The following DSCAM variants were observed in gnomAD, a reference collection of about 807,000 sequenced individuals.
The protein encoded by DSCAM is DS cell adhesion molecule.
In DSCAM, 47 loss-of-function variants were observed where a neutral mutation model predicts 217.7. That is an observed-to-expected ratio of 0.22 (90% CI 0.17 to 0.28). The LOEUF (loss-of-function observed/expected upper bound fraction) is 0.28. DSCAM is among the 10% of genes least tolerant of loss of function. The pLI, the probability that DSCAM is intolerant of heterozygous loss-of-function variation, is 1.00. For missense variants in DSCAM, 2,080 were observed against 2,618.3 expected (o/e 0.79, Z 4.49); for synonymous variants, 1,056 against 1,015.3 (o/e 1.04, Z -0.76).
chr21:40,157,933 A>G (rs553117759), intron 16 of DSCAM, among the ~76,000 whole-genome samples: 4 of 152,126 alleles, frequency 2.6e-5, no homozygotes, highest in African/African-American at 7.2e-5. Context: ...GGCTCAAGCA[A>G]TCCTCCCAAT....
At chr21:40,456,303 A>T (rs554015087) in intron 3 of DSCAM, among the ~76,000 whole-genome samples, 1 of 151,974 alleles carries the variant, frequency 6.6e-6, no homozygotes, top group African/African-American at 2.4e-5. Context: ...AAAATTTTTT[A>T]GAGTTCACTT....
At chr21:40,157,523 A>G (rs928748075) in intron 16 of DSCAM, among the ~76,000 whole-genome samples, 20 of 152,198 alleles carry the variant, frequency 1.3e-4, no homozygotes, top group African/African-American at 4.1e-4. Context: ...CCATGCTCCA[A>G]TGGATAGTTC....
At chr21:40,670,582 A>C (rs1007273827) in intron 3 of DSCAM, among the ~76,000 whole-genome samples, 2 of 151,674 alleles carry the variant, frequency 1.3e-5, no homozygotes, top group African/African-American at 2.4e-5. Flanking sequence ...TATAAGTGGA[A>C]TCATATAGTA....
At chr21:40,507,360 G>A (rs2076218101) in intron 3 of DSCAM, among the ~76,000 whole-genome samples, 1 of 152,118 alleles carries the variant, frequency 6.6e-6, no homozygotes. Context: ...ATAGTCCTAT[G>A]CATCATTAAA....
At chr21:40,639,585 T>C (rs1369149462) in intron 3 of DSCAM, among the ~76,000 whole-genome samples, 1 of 152,174 alleles carries the variant, frequency 6.6e-6, no homozygotes, top group African/African-American at 2.4e-5. Context: ...CAAGTTTTAG[T>C]TAATATTTAA....
At chr21:40,638,232 A>C (rs949324979) in intron 3 of DSCAM, among the ~76,000 whole-genome samples, 2 of 152,210 alleles carry the variant, frequency 1.3e-5, no homozygotes, top group East Asian at 3.8e-4. Flanking sequence ...TGTGTACGTC[A>C]GGTGTTGACT....
rs2076715898 is a variant in DSCAM at position 40,560,960 on chromosome 21, G to A, written c.508+131850C>T. 2.6e-5 allele frequency among the ~76,000 whole-genome samples: 4 copies of A among 152,168 alleles called. No individual in the cohort carries two copies. The South Asian group carries it at 8.3e-4, about 31-fold the overall frequency. On this transcript the variant is annotated intron_variant, in intron 3 of 32. Transcript: ENST00000400454. ...AACCATCATTGCTCAAGGACCATAT[G>A]CTTATGTAAAAATCCCAGAAAACAA...
At chr21:40,030,241 G>A (rs1180059472) in intron 32 of DSCAM, among the ~76,000 whole-genome samples, 1 of 152,184 alleles carries the variant, frequency 6.6e-6, no homozygotes, top group Non-Finnish European at 1.5e-5. Context: ...CGTGTGTTGA[G>A]TGGACACTAA....
At chr21:40,293,792 T>C (rs1475697111) in intron 10 of DSCAM, among the ~76,000 whole-genome samples, 1 of 151,876 alleles carries the variant, frequency 6.6e-6, no homozygotes, top group South Asian at 2.1e-4. Flanking sequence ...ACCACTGCAC[T>C]CCAGCCTGGG....
intron 20 of DSCAM, among the ~76,000 whole-genome samples, chr21:40,102,805 C>T (rs754848237): frequency 2.2e-4 from 33 of 152,326 alleles, no homozygotes; most frequent in Admixed American, 1.9e-3. Context: ...AGAGCCTTCT[C>T]TAGTCCTCTC....
At chr21:40,598,103 T>A (rs533479288) in intron 3 of DSCAM, among the ~76,000 whole-genome samples, 7 of 152,238 alleles carry the variant, frequency 4.6e-5, no homozygotes, top group Non-Finnish European at 1.0e-4. Flanking sequence ...CCTGTTCATC[T>A]TTCCCCACCT....
chr21:40,217,358 C>T (rs1244784689), intron 11 of DSCAM, among the ~76,000 whole-genome samples: 1 of 152,164 alleles, frequency 6.6e-6, no homozygotes, highest in African/African-American at 2.4e-5. Flanking sequence ...ATTTCTGAGC[C>T]TTGTCAACAT....
At chr21:40,215,710 G>A (rs1387036180) in intron 11 of DSCAM, among the ~76,000 whole-genome samples, 2 of 151,988 alleles carry the variant, frequency 1.3e-5, no homozygotes, top group Non-Finnish European at 2.9e-5. Context: ...ATACTATTTG[G>A]GTGATGCGTG....
intron 11 of DSCAM, among the ~76,000 whole-genome samples, chr21:40,267,281 G>A (rs1308183128): frequency 1.3e-5 from 2 of 150,692 alleles, no homozygotes; most frequent in African/African-American, 2.4e-5. Flanking sequence ...TTTTTTATAA[G>A]TAGAAGGAGT....
intron 3 of DSCAM, among the ~76,000 whole-genome samples, chr21:40,504,439 C>A (rs2076194542): frequency 6.6e-6 from 1 of 152,134 alleles, no homozygotes; most frequent in Non-Finnish European, 1.5e-5. Flanking sequence ...GGAGAACAGT[C>A]CACCTGTCAC....
In DSCAM at chr21:40,781,983, C is replaced by T. The variant is rs569720724; in HGVS notation, c.43+64636G>A. On this transcript the variant is annotated intron_variant, in intron 1 of 32. Transcript: ENST00000400454. Reference sequence around the variant, plus strand: ...CTAACACGATGAAACCCCATCTCTACTAAAAATACAAAAAAAAAAAAAAAA... The same window carrying T: ...CTAACACGATGAAACCCCATCTCTATTAAAAATACAAAAAAAAAAAAAAAA... Among the ~76,000 whole-genome samples, 24 of 16,272 alleles carry T rather than the reference C, an allele frequency of 1.5e-3. No homozygotes were observed. The South Asian group carries it at 0.039, about 27-fold the overall frequency. 10.7% of individuals were successfully genotyped at this position (16,272 alleles called of 152,430 possible).
intron 16 of DSCAM, among the ~76,000 whole-genome samples, chr21:40,146,017 T>TA (rs1318431441): frequency 2.6e-5 from 4 of 152,138 alleles, no homozygotes; most frequent in Non-Finnish European, 5.9e-5. Context: ...TATATACATA[T>TA]ACACGTACAC....
At chr21:40,414,439 A>G (rs997405083) in intron 3 of DSCAM, among the ~76,000 whole-genome samples, 1 of 152,214 alleles carries the variant, frequency 6.6e-6, no homozygotes, top group Non-Finnish European at 1.5e-5. Flanking sequence ...ATACCAACGC[A>G]TACCTCCTAG....
At chr21:40,084,244 C>G (rs2089502399) in intron 23 of DSCAM, among the ~76,000 whole-genome samples, 1 of 152,116 alleles carries the variant, frequency 6.6e-6, no homozygotes. Flanking sequence ...TACTTGGATT[C>G]ATATCTAACT....
Sources: allele counts gnomAD v4.1 joint callset (sites outside exome capture counted in the v4.1 genomes callset), GRCh38; gene constraint gnomAD v4.1.1; transcripts MANE v1.5; gene names NCBI Gene and HGNC (gene_info 2026-07-23, HGNC 2026-07-21).